The following TANC2 variants were observed in gnomAD, a reference collection of about 807,000 sequenced individuals.
TANC2 encodes the protein protein TANC2.
In TANC2, 26 loss-of-function variants were observed where a neutral mutation model predicts 210.5. The observed-to-expected ratio is 0.12, with a 90% confidence interval of 0.09 to 0.17. The LOEUF (loss-of-function observed/expected upper bound fraction) is 0.17. Among genes scored for constraint, TANC2 ranks in the 10% least tolerant of loss-of-function variants. TANC2 has a pLI of 1.00. For synonymous variants in TANC2, 931 were observed against 967.1 expected, an observed-to-expected ratio of 0.96 and a Z score of 0.69; for missense variants, 2,129 against 2,608.9, an observed-to-expected ratio of 0.82 and a Z score of 4.01.
chr17:63,200,849 T>G, exon 7 of TANC2: 1 of 1,613,696 alleles, frequency 6.2e-7, no homozygotes, highest in Non-Finnish European at 8.5e-7. Context: ...CAGTAGCCCC[T>G]GCTCTACACT....
Position 63,411,978 on chromosome 17 carries a change from CTGCT to C in TANC2, c.3766-17_3766-14del. ...AGCCATTACGCCTGTCCTAACTTCTCTGCTTGATCCGTGTCCTAGGTCCAGTTCC... is the reference window on the plus strand; with the variant it reads ...AGCCATTACGCCTGTCCTAACTTCTCTGATCCGTGTCCTAGGTCCAGTTCC... On this transcript the variant is annotated splice_polypyrimidine_tract_variant and intron_variant, in intron 22 of 27. Transcript: ENST00000689528. 6.2e-7 allele frequency: 1 copy of C among 1,613,620 alleles called. No homozygotes were observed. Among genetic ancestry groups the C allele is most frequent in the Non-Finnish European group, 8.5e-7 (1 of 1,179,684 alleles).
intron 9 of TANC2, among the ~76,000 whole-genome samples, chr17:63,284,716 A>G (rs558461657): frequency 8.5e-5 from 13 of 152,120 alleles, no homozygotes; most frequent in African/African-American, 1.9e-4. Context: ...AGAATTTGCT[A>G]TTTTACAGTA....
intron 2 of TANC2, among the ~76,000 whole-genome samples, chr17:63,015,384 T>C (rs2034061068): frequency 1.3e-5 from 2 of 152,164 alleles, no homozygotes; most frequent in African/African-American, 4.8e-5. Context: ...TTGTTACATA[T>C]GTATGCACGC....
chr17:63,195,088 A>G (rs2041301716), intron 6 of TANC2, among the ~76,000 whole-genome samples: 1 of 152,174 alleles, frequency 6.6e-6, no homozygotes, highest in African/African-American at 2.4e-5. Flanking sequence ...GAATATATTT[A>G]TATATTGTGT....
At chr17:63,033,934 CAT>C (rs758180674) in intron 2 of TANC2, among the ~76,000 whole-genome samples, 20 of 152,164 alleles carry the variant, frequency 1.3e-4, no homozygotes, top group African/African-American at 2.2e-4. Flanking sequence ...AATTTTCACA[CAT>C]GTGTAAATGT....
At chr17:63,228,294 T>C (rs1396473906) in intron 7 of TANC2, among the ~76,000 whole-genome samples, 1 of 152,238 alleles carries the variant, frequency 6.6e-6, no homozygotes, top group Non-Finnish European at 1.5e-5. Flanking sequence ...TCTATGTGTC[T>C]GTTTTTGTAC....
chr17:63,365,053 G>A (rs763263686), intron 14 of TANC2, among the ~76,000 whole-genome samples: 4 of 152,156 alleles, frequency 2.6e-5, no homozygotes, highest in Admixed American at 6.5e-5. Context: ...ATGAGTCTCC[G>A]AAGCAATACT....
In TANC2 at chr17:63,412,270, A is replaced by G. The variant is rs959202284; in HGVS notation, c.3898+140A>G. ...CCAATTATTGTCCAAGTGAACAGAG[A>G]GGCTCTTGGCCCAGGGAAAGCGCCA... On this transcript the variant is annotated intron_variant, in intron 23 of 27. Coordinates refer to ENST00000689528, the Ensembl canonical transcript of TANC2. This position sits in a 1 kb window ranked among gnomAD's most constrained non-coding sequence, Gnocchi z 4.2. 3 of 1,272,736 alleles carry G rather than the reference A, an allele frequency of 2.4e-6. No individual in the cohort carries two copies. The highest frequency in any genetic ancestry group is 3.0e-5 in the African/African-American group (2 of 67,214). The allele number at this position is 1,272,736 out of a possible 1,614,324, so 78.8% of individuals were successfully genotyped here.
intron 7 of TANC2, among the ~76,000 whole-genome samples, chr17:63,236,673 C>G (rs2042629536): frequency 6.6e-6 from 1 of 152,072 alleles, no homozygotes. Flanking sequence ...CCTTCAGAGG[C>G]TCCATTGTCC....
At chr17:63,371,334 C>T (rs556066024) in intron 14 of TANC2, among the ~76,000 whole-genome samples, 4 of 152,094 alleles carry the variant, frequency 2.6e-5, no homozygotes, top group African/African-American at 7.2e-5. Flanking sequence ...GGCGTGGTGG[C>T]GTGCACCTGT....
At chr17:63,126,192 T>G (rs983271611) in intron 4 of TANC2, among the ~76,000 whole-genome samples, 2 of 152,226 alleles carry the variant, frequency 1.3e-5, no homozygotes, top group Non-Finnish European at 2.9e-5. Flanking sequence ...TTTGTCCTTT[T>G]TATTATTATA....
intron 15 of TANC2, among the ~76,000 whole-genome samples, chr17:63,380,421 T>A (rs1034426733): frequency 3.9e-5 from 6 of 152,272 alleles, no homozygotes; most frequent in African/African-American, 7.2e-5. Flanking sequence ...TGTTTGTGCA[T>A]GTATGCATTC....
chr17:63,319,217 GTT>G (rs1300980585), intron 11 of TANC2, 127 bp downstream of exon 11: 1 of 987,016 alleles, frequency 1.0e-6, no homozygotes. Context: ...GTGGAGGAAA[GTT>G]TCTCTTTCTT....
At chr17:63,408,299 C>T (rs1415303190) in intron 21 of TANC2, among the ~76,000 whole-genome samples, 5 of 152,108 alleles carry the variant, frequency 3.3e-5, no homozygotes, top group African/African-American at 4.8e-5. Context: ...GTAAGACGGA[C>T]ATTTGGGAGA....
At chr17:63,056,164 G>C (rs2035799715) in intron 2 of TANC2, among the ~76,000 whole-genome samples, 1 of 132,478 alleles carries the variant, frequency 7.5e-6, no homozygotes, top group Admixed American at 7.7e-5. Flanking sequence ...GACAGAGTGA[G>C]ACTCTGTGTT....
intron 5 of TANC2, among the ~76,000 whole-genome samples, chr17:63,185,809 C>G (rs2145690059): frequency 6.6e-6 from 1 of 152,218 alleles, no homozygotes; most frequent in East Asian, 1.9e-4. Context: ...TTTGTAAATC[C>G]TGTATAGATC....
chr17:63,223,907 T>C (rs1219652001), intron 7 of TANC2, among the ~76,000 whole-genome samples: 3 of 152,124 alleles, frequency 2.0e-5, no homozygotes, highest in Non-Finnish European at 4.4e-5. Context: ...GTATTTTACC[T>C]CAAGCACACA....
At chr17:63,119,514 C>T (rs779374255) in intron 4 of TANC2, among the ~76,000 whole-genome samples, 5 of 152,156 alleles carry the variant, frequency 3.3e-5, no homozygotes, top group Admixed American at 6.5e-5. Flanking sequence ...CAAGATTTTG[C>T]TTCCGTCATC....
intron 4 of TANC2, among the ~76,000 whole-genome samples, chr17:63,114,492 T>G (rs749173185): frequency 9.2e-5 from 14 of 152,232 alleles, no homozygotes; most frequent in Non-Finnish European, 1.8e-4. Flanking sequence ...ATTACCCTAC[T>G]GCTGCAGATT....
Sources: gnomAD v4.1 joint callset for allele counts (sites outside exome capture counted in the v4.1 genomes callset) on GRCh38, gnomAD v4.1.1 for gene constraint, Gnocchi (gnomAD v3.1) non-coding constraint, MANE v1.5 for transcripts, NCBI Gene and HGNC (gene_info 2026-07-23, HGNC 2026-07-21) for gene names.